TRAPPC10: variants seen among roughly 807,000 people sequenced by gnomAD.
TRAPPC10 encodes the protein trafficking protein particle complex subunit 10.
TRAPPC10 carries 23 observed loss-of-function variants against 125.5 expected under a neutral mutation model. That is an observed-to-expected ratio of 0.18 (90% CI 0.13 to 0.26). The LOEUF (loss-of-function observed/expected upper bound fraction) is 0.26, where lower values mean the gene tolerates loss of function less well. TRAPPC10 is among the 10% of genes least tolerant of loss of function. TRAPPC10 has a pLI of 1.00. For missense variants in TRAPPC10, 1,123 were observed against 1,308.4 expected (o/e 0.86, Z 2.19); for synonymous variants, 509 against 518.0 (o/e 0.98, Z 0.24).
intron 4 of TRAPPC10, 128 bp from the exon 5 acceptor site, chr21:44,055,568 ACT>A (rs887166910): frequency 8.3e-6 from 6 of 720,902 alleles, no homozygotes; most frequent in African/African-American, 7.6e-5. Flanking sequence ...ACAGAGCAAA[ACT>A]CTGTCTCAAA....
intron 1 of TRAPPC10, among the ~76,000 whole-genome samples, chr21:44,024,560 A>T (rs1404973113): frequency 6.6e-6 from 1 of 152,182 alleles, no homozygotes; most frequent in Non-Finnish European, 1.5e-5. Context: ...GACAGTTCTT[A>T]TTGGCATTTG....
intron 9 of TRAPPC10, among the ~76,000 whole-genome samples, 191 bp from the exon 10 acceptor site, chr21:44,076,361 T>C (rs1239800500): frequency 1.3e-5 from 2 of 152,256 alleles, no homozygotes; most frequent in Non-Finnish European, 1.5e-5. Context: ...ACAAAGCGTT[T>C]TGACTATTTT....
chr21:44,054,080 C>A (rs964878128), intron 4 of TRAPPC10, among the ~76,000 whole-genome samples: 1 of 152,046 alleles, frequency 6.6e-6, no homozygotes, highest in African/African-American at 2.4e-5. Context: ...CGCGTCTGGT[C>A]GGGAATAAAT....
intron 2 of TRAPPC10, among the ~76,000 whole-genome samples, chr21:44,033,927 C>T (rs1437483206): frequency 2.0e-5 from 3 of 152,110 alleles, no homozygotes; most frequent in Admixed American, 6.6e-5. Context: ...CTTTCCGAAA[C>T]TCCAGTAAAT....
chr21:44,079,996 C>G lies in TRAPPC10; in HGVS notation c.1611-19C>G. The G allele has an allele frequency of 6.2e-7, 1 of 1,608,734 alleles. No homozygotes were observed. Among genetic ancestry groups the G allele is most frequent in the Non-Finnish European group, 8.5e-7 (1 of 1,175,370 alleles). Reference sequence around the variant, plus strand: ...TCCTAAGTATGAGCCTCTCCACGCTCCTTACCTCTCCGCTCCAGCTACCTG... The same window carrying G: ...TCCTAAGTATGAGCCTCTCCACGCTGCTTACCTCTCCGCTCCAGCTACCTG... On this transcript the variant is annotated intron_variant, in intron 12 of 22. Coordinates refer to ENST00000291574, the MANE Select transcript of TRAPPC10 (RefSeq NM_003274.5).
At chr21:44,091,010 G>A (rs968985752) in intron 18 of TRAPPC10, among the ~76,000 whole-genome samples, 1 of 151,948 alleles carries the variant, frequency 6.6e-6, no homozygotes, top group Non-Finnish European at 1.5e-5. Flanking sequence ...GACCAACATA[G>A]TGAAACCCCG....
intron 1 of TRAPPC10, among the ~76,000 whole-genome samples, chr21:44,030,561 G>A (rs970710270): frequency 6.6e-6 from 1 of 151,820 alleles, no homozygotes; most frequent in Non-Finnish European, 1.5e-5. Context: ...TCCGCCTTCC[G>A]GTTCAAGCGA....
chr21:44,057,477 T>C (rs745768115), intron 5 of TRAPPC10, among the ~76,000 whole-genome samples: 2 of 152,058 alleles, frequency 1.3e-5, no homozygotes, highest in Non-Finnish European at 2.9e-5. Context: ...TTTGTATTTT[T>C]AGTAGAGATG....
At chr21:44,094,449 G>C (rs565607846) in intron 20 of TRAPPC10, among the ~76,000 whole-genome samples, 1 of 152,124 alleles carries the variant, frequency 6.6e-6, no homozygotes, top group African/African-American at 2.4e-5. Flanking sequence ...CACACTCCTG[G>C]GGGCATCTCT....
At chr21:44,024,410 C>T (rs1164910459) in intron 1 of TRAPPC10, among the ~76,000 whole-genome samples, 1 of 152,178 alleles carries the variant, frequency 6.6e-6, no homozygotes, top group Non-Finnish European at 1.5e-5. Flanking sequence ...TGCTGAAGGG[C>T]CAGGGGCCAC....
Position 44,079,603 on chromosome 21 carries a change from A to G in TRAPPC10, c.1509A>G (p.Gln503=), listed in dbSNP as rs779167307. ...KAPQKAEIYL[Q]GALKNYLAEG... is the part of the protein sequence containing the mutation. ...CACAAAAGGCAGAAATCTATCTTCA[A>G]GGAGCACTGAAAAACTACCTGGCTG... The change falls in exon 12 of 23, where the codon CAA becomes CAG. Residue 503 remains glutamine (Q), a synonymous_variant. Transcript: ENST00000291574. 5.6e-6 allele frequency: 9 copies of G among 1,607,220 alleles called. No individual in the cohort carries two copies. In the African/African-American group the frequency reaches 6.7e-5, roughly 12 times the overall value.
chr21:44,031,975 A>G, intron 1 of TRAPPC10, 116 bp from the exon 2 acceptor site: 1 of 808,116 alleles, frequency 1.2e-6, no homozygotes, highest in Non-Finnish European at 2.0e-6. Flanking sequence ...GAATCTTGCG[A>G]TATCGCTTTA....
intron 1 of TRAPPC10, among the ~76,000 whole-genome samples, chr21:44,016,783 C>G (rs1186264188): frequency 1.3e-5 from 2 of 152,114 alleles, no homozygotes; most frequent in Non-Finnish European, 2.9e-5. Context: ...CTCAGCCTTC[C>G]GAGTAGCTGG....
At chr21:44,052,224 G>T (rs1228494320) in intron 3 of TRAPPC10, 56 bp from the exon 4 acceptor site, 1 of 1,445,458 alleles carries the variant, frequency 6.9e-7, no homozygotes, top group African/African-American at 1.4e-5. Context: ...ACATTTTGCT[G>T]TATAAACTAA....
In TRAPPC10 at chr21:44,059,874, G is replaced by A; in HGVS notation, c.790+660G>A. 4.5e-6 allele frequency: 1 copy of A among 220,274 alleles called. No homozygotes were observed. The highest frequency in any genetic ancestry group is 8.9e-6 in the Non-Finnish European group (1 of 112,350). The allele number at this position is 220,274 out of a possible 1,614,324, so 13.6% of individuals were successfully genotyped here. ...TTTGGAGTTGTTTTTGTTACAATTG[G>A]TATTCCTGGCTTGATTCCATTACCT... On this transcript the variant is annotated intron_variant, in intron 6 of 22. Transcript: ENST00000291574. The surrounding 1 kb of genome is among the most constrained non-coding windows in gnomAD (Gnocchi z 4.4).
chr21:44,022,716 A>G (rs1311035769), intron 1 of TRAPPC10, among the ~76,000 whole-genome samples: 1 of 152,080 alleles, frequency 6.6e-6, no homozygotes, highest in African/African-American at 2.4e-5. Flanking sequence ...TACAGTTTTT[A>G]GATAAATCCT....
chr21:44,029,330 G>C (rs1156900568), intron 1 of TRAPPC10, among the ~76,000 whole-genome samples: 2 of 152,150 alleles, frequency 1.3e-5, no homozygotes, highest in African/African-American at 4.8e-5. Context: ...ACTTGACCTT[G>C]TGATCCACCC....
At chr21:44,074,953 T>A in intron 8 of TRAPPC10, 86 bp from the exon 9 acceptor site, 1 of 1,019,356 alleles carries the variant, frequency 9.8e-7, no homozygotes, top group Non-Finnish European at 1.5e-6. Flanking sequence ...AGAATTTAGC[T>A]GGATTTGAAT....
chr21:44,023,757 TTTTG>T (rs774063733), intron 1 of TRAPPC10, among the ~76,000 whole-genome samples: 86 of 152,254 alleles, frequency 5.6e-4, no homozygotes, highest in Non-Finnish European at 1.1e-3. Flanking sequence ...AGCTAGGCAT[TTTTG>T]TTTGTTTGTT....
Sources: allele counts gnomAD v4.1 joint callset (sites outside exome capture counted in the v4.1 genomes callset), GRCh38; gene constraint gnomAD v4.1.1; non-coding constraint Gnocchi (gnomAD v3.1); transcripts MANE v1.5; gene names NCBI Gene and HGNC (gene_info 2026-07-23, HGNC 2026-07-21).